Variants in SELENOI observed in about 807,000 individuals in gnomAD.
The protein encoded by SELENOI is selenoprotein I.
A neutral mutation model predicts 50.7 loss-of-function variants in SELENOI; 24 were observed. The ratio of observed to expected loss-of-function variants is 0.47; its 90% confidence interval spans 0.34 to 0.67. The LOEUF (loss-of-function observed/expected upper bound fraction) is 0.67. Ranked by LOEUF, SELENOI falls within the 30% of genes least tolerant of loss-of-function variation. The pLI is 0.01. For synonymous variants in SELENOI, 155 were observed against 170.2 expected, an observed-to-expected ratio of 0.91 and a Z score of 0.70; for missense variants, 352 against 461.4, an observed-to-expected ratio of 0.76 and a Z score of 2.17.
intron 6 of SELENOI, 21 bp downstream of exon 6, chr2:26,375,169 G>T (rs1469960512): frequency 2.7e-6 from 4 of 1,481,518 alleles, no homozygotes. Flanking sequence ...CCATGTTGAA[G>T]CCTGTTTTAA....
rs940007868 is a variant in SELENOI, at chr2:26,391,010, A to T, written c.*1907A>T. Reference sequence around the variant, plus strand: ...AGAACTGATAAATATTTATAAAATGACAAACTTGGACCACAGGCTTTCTTG... The same window carrying T: ...AGAACTGATAAATATTTATAAAATGTCAAACTTGGACCACAGGCTTTCTTG... On this transcript the variant is annotated 3_prime_UTR_variant, in exon 10 of 10. Transcript: ENST00000260585. The T allele has an allele frequency of 1.2e-4, 19 of 152,242 alleles. No individual in the cohort carries two copies. Among genetic ancestry groups the T allele is most frequent in the Admixed American group, 2.6e-4 (4 of 15,286 alleles). The allele number at this position is 152,242 out of a possible 1,614,324, so 9.4% of individuals were successfully genotyped here.
chr2:26,388,949 T>C lies in SELENOI; in HGVS notation c.1096-56T>C. The C allele has an allele frequency of 2.9e-6, 4 of 1,361,488 alleles. No individual in the cohort carries two copies. The South Asian group carries it at 5.0e-5, about 17-fold the overall frequency. 84.3% of individuals were successfully genotyped at this position (1,361,488 alleles called of 1,614,324 possible). A position where few individuals can be genotyped will look rare whatever the true frequency, so the allele number is the denominator to read the frequency against. The stretch of plus-strand genomic sequence containing the variant: ...CTCTAGGGGGTAAATTCTGTGTGCT[T>C]TTAAAAAACAATAAGGTACATATTT... On this transcript the variant is annotated intron_variant, in intron 9 of 9. Transcript: ENST00000260585.
chr2:26,365,349 G>GGGCCGGGCGCGGTGGCTCACGCCTGT (rs1677265638), intron 3 of SELENOI, among the ~76,000 whole-genome samples: 1 of 152,228 alleles, frequency 6.6e-6, no homozygotes, highest in Non-Finnish European at 1.5e-5. Flanking sequence ...ATGATACTTA[G>GGGCCGGGCGCGGTGGCTCACGCCTGT]ACCTTAAGTA....
chr2:26,364,797 ACTT>A, intron 2 of SELENOI, 32 bp from the exon 3 acceptor site: 1 of 1,456,940 alleles, frequency 6.9e-7, no homozygotes, highest in Non-Finnish European at 9.5e-7. Context: ...AGATTCCTCT[ACTT>A]TAATTATTTT....
At chr2:26,360,430 A>G (rs533549804) in intron 1 of SELENOI, among the ~76,000 whole-genome samples, 1 of 152,336 alleles carries the variant, frequency 6.6e-6, no homozygotes, top group African/African-American at 2.4e-5. Flanking sequence ...TGAAGTCGAA[A>G]TTTCATGTTA....
intron 6 of SELENOI, among the ~76,000 whole-genome samples, chr2:26,378,939 C>T (rs991717440): frequency 2.0e-5 from 3 of 152,108 alleles, no homozygotes; most frequent in Non-Finnish European, 4.4e-5. Context: ...CTATAGCTGC[C>T]GAGTACCTAT....
At chr2:26,361,826 T>C (rs1195571278) in intron 1 of SELENOI, among the ~76,000 whole-genome samples, 1 of 152,064 alleles carries the variant, frequency 6.6e-6, no homozygotes, top group Non-Finnish European at 1.5e-5. Flanking sequence ...ACTAATTTGT[T>C]TTTGTATTTT....
intron 5 of SELENOI, among the ~76,000 whole-genome samples, chr2:26,374,804 A>G (rs1431965249): frequency 6.6e-6 from 1 of 152,134 alleles, no homozygotes; most frequent in African/African-American, 2.4e-5. Flanking sequence ...CTGACACCTC[A>G]GGTGATCTGC....
At position 26,375,039 on chromosome 2, in the gene SELENOI, G is replaced by T; in HGVS notation, c.574-1G>T. 1 of 1,605,460 alleles carries T rather than the reference G, an allele frequency of 6.2e-7. No homozygotes were observed. The highest frequency in any genetic ancestry group is 1.1e-5 in the South Asian group (1 of 90,630). On this transcript the variant is annotated splice_acceptor_variant, in intron 5 of 9. Coordinates refer to ENST00000260585, the MANE Select transcript of SELENOI (RefSeq NM_033505.4). LOFTEE classifies it high-confidence loss of function. ...TGCTTTTGTCTGCATTTTCCTTCCA[G>T]ACTATTTCTTTTGTCTACATAGTGA...
At chr2:26,383,241 TG>T (rs1677745236) in intron 6 of SELENOI, 57 bp from the exon 7 acceptor site, 2 of 1,309,448 alleles carry the variant, frequency 1.5e-6, no homozygotes, top group Non-Finnish European at 2.1e-6. Flanking sequence ...CATGATTCAG[TG>T]GTAATGTAAT....
intron 1 of SELENOI, among the ~76,000 whole-genome samples, chr2:26,355,994 A>G (rs1241669233): frequency 6.6e-6 from 1 of 152,064 alleles, no homozygotes; most frequent in Non-Finnish European, 1.5e-5. Flanking sequence ...TGCCTATCTC[A>G]GCCTCCCAAA....
chr2:26,348,020 G>A (rs180873102), intron 1 of SELENOI, among the ~76,000 whole-genome samples: 157 of 152,092 alleles, frequency 1.0e-3, no homozygotes, highest in Middle Eastern at 0.01. Context: ...TTATAATGAG[G>A]CTTCCTTGGG....
Position 26,351,219 on chromosome 2 carries a change from C to T in SELENOI, c.57+4930C>T, listed in dbSNP as rs574735508. Among the ~76,000 whole-genome samples, 52 of 152,236 alleles carry T rather than the reference C, an allele frequency of 3.4e-4. 1 individual carries two copies. The South Asian group carries it at 5.2e-3, about 15-fold the overall frequency. On this transcript the variant is annotated intron_variant, in intron 1 of 9. Transcript: ENST00000260585. ...GATTACAGGCACGCACCACCACACC[C>T]GGCTAATTTTTGTATTTTTAGTAGA... is the stretch of plus-strand genomic sequence containing the variant.
Position 26,364,333 on chromosome 2 carries a change from T to C in SELENOI, c.89T>C (p.Leu30Pro). 1 of 1,560,944 alleles carries C rather than the reference T, an allele frequency of 6.4e-7. No individual in the cohort carries two copies. The highest frequency in any genetic ancestry group is 8.7e-7 in the Non-Finnish European group (1 of 1,149,792). ...YSAVDTNPLS[L>P]YVMHPFWNTI... is the part of the protein sequence containing the mutation. ...GCTGTGGATACCAATCCACTTTCTC[T>C]GTATGTCATGCATCCATTCTGGAAC... Residue 30 changes from leucine to proline, a missense_variant, in exon 2 of 10, where the codon CTG (leucine) becomes CCG (proline). Transcript: ENST00000260585.
At chr2:26,386,559 G>T in intron 9 of SELENOI, 23 bp downstream of exon 9, 2 of 1,527,052 alleles carry the variant, frequency 1.3e-6, no homozygotes, top group South Asian at 2.6e-5. Flanking sequence ...CAGCAAAATG[G>T]GTTCAATTTG....
intron 6 of SELENOI, among the ~76,000 whole-genome samples, chr2:26,380,492 T>C (rs1350422161): frequency 2.6e-5 from 4 of 152,194 alleles, no homozygotes; most frequent in African/African-American, 7.2e-5. Flanking sequence ...TGGCACTTCA[T>C]TGTGTGGATG....
intron 6 of SELENOI, among the ~76,000 whole-genome samples, chr2:26,378,795 A>G (rs949679865): frequency 6.6e-6 from 1 of 152,248 alleles, no homozygotes; most frequent in Non-Finnish European, 1.5e-5. Context: ...TTATGCCATC[A>G]TTAACAGATG....
intron 5 of SELENOI, among the ~76,000 whole-genome samples, chr2:26,374,755 A>G (rs1206183686): frequency 6.6e-6 from 1 of 151,826 alleles, no homozygotes; most frequent in African/African-American, 2.4e-5. Context: ...TTTAGTAGAG[A>G]TGGGGTTTCT....
intron 9 of SELENOI, 121 bp from the exon 10 acceptor site, chr2:26,388,884 A>G (rs1677903148): frequency 1.4e-6 from 1 of 737,778 alleles, no homozygotes; most frequent in Admixed American, 2.4e-5. Context: ...AAACCTTTTC[A>G]GTATTTCTCA....
Sources: allele counts gnomAD v4.1 joint callset (sites outside exome capture counted in the v4.1 genomes callset), GRCh38; gene constraint gnomAD v4.1.1; transcripts MANE v1.5; gene names NCBI Gene and HGNC (gene_info 2026-07-23, HGNC 2026-07-21).